The following FLRT2 variants were observed in gnomAD, a reference collection of about 807,000 sequenced individuals.
FLRT2 encodes the protein leucine-rich repeat transmembrane protein FLRT2.
FLRT2 carries 15 observed loss-of-function variants against 40.0 expected under a neutral mutation model. The ratio of observed to expected loss-of-function variants is 0.38; its 90% CI spans 0.25 to 0.58. The LOEUF (loss-of-function observed/expected upper bound fraction) is 0.58. Among genes scored for constraint, FLRT2 ranks in the 20% least tolerant of loss-of-function variants. The probability of loss-of-function intolerance (pLI) is 0.71; values close to 1 mark genes in which losing one functional copy is unlikely to be tolerated. For missense variants in FLRT2, 726 were observed against 840.0 expected (o/e 0.86, Z 1.68); for synonymous variants, 380 against 336.8 (o/e 1.13, Z -1.41).
Position 85,651,261 on chromosome 14 carries a change from T to TTGTGTGTGTGTGTG in FLRT2, c.*27780_*27793dup, listed in dbSNP as rs201674807. The TTGTGTGTGTGTGTG allele has an allele frequency of 9.5e-6, 1 of 105,140 alleles. No homozygotes were observed. Among genetic ancestry groups the TTGTGTGTGTGTGTG allele is most frequent in the African/African-American group, 3.0e-5 (1 of 33,174 alleles). The allele number at this position is 105,140 out of a possible 1,614,324, so 6.5% of individuals were successfully genotyped here. A position where few individuals can be genotyped will look rare whatever the true frequency, so the allele number is the denominator to read the frequency against. On this transcript the variant is annotated 3_prime_UTR_variant, in exon 2 of 2. Coordinates refer to ENST00000330753, the MANE Select transcript of FLRT2 (RefSeq NM_013231.6). ...CATAGCCTGGAAAGTATTCGTTTGTTTGTGTGTGTGTGTGTGTGTGTGTGT... is the reference window on the plus strand; with the variant it reads ...CATAGCCTGGAAAGTATTCGTTTGTTTGTGTGTGTGTGTGTGTGTGTGTGTGTGTGTGTGTGTGT...
chr14:85,532,302 C>T (rs562017966), intron 1 of FLRT2, among the ~76,000 whole-genome samples: 5 of 152,228 alleles, frequency 3.3e-5, no homozygotes, highest in African/African-American at 1.2e-4. Context: ...CGTTCTCCCT[C>T]TTCTGTTCAG....
intron 1 of FLRT2, among the ~76,000 whole-genome samples, chr14:85,550,250 T>C (rs1889532925): frequency 6.6e-6 from 1 of 152,158 alleles, no homozygotes; most frequent in Non-Finnish European, 1.5e-5. Context: ...CGTAATATAT[T>C]CTATGGGGAC....
chr14:85,609,533 G>A (rs551791126), intron 1 of FLRT2, among the ~76,000 whole-genome samples: 1 of 152,212 alleles, frequency 6.6e-6, no homozygotes, highest in Non-Finnish European at 1.5e-5. Flanking sequence ...CCGGGAATTT[G>A]TTTCATTTAG....
intron 1 of FLRT2, among the ~76,000 whole-genome samples, chr14:85,567,545 A>C (rs1269449041): frequency 1.3e-5 from 2 of 151,752 alleles, no homozygotes; most frequent in Non-Finnish European, 2.9e-5. Flanking sequence ...ACATAGTTAG[A>C]GTACCTGCTG....
chr14:85,554,255 T>C (rs543164930), intron 1 of FLRT2, among the ~76,000 whole-genome samples: 1 of 152,314 alleles, frequency 6.6e-6, no homozygotes, highest in South Asian at 2.1e-4. Context: ...TTAAATGGTC[T>C]TCCTAAGGTA....
intron 1 of FLRT2, among the ~76,000 whole-genome samples, chr14:85,561,743 A>G (rs1289421525): frequency 6.6e-6 from 1 of 152,270 alleles, no homozygotes; most frequent in African/African-American, 2.4e-5. Context: ...ATAGAATCGT[A>G]CCAGAAGCCT....
At chr14:85,581,664 C>T (rs916844772) in intron 1 of FLRT2, among the ~76,000 whole-genome samples, 5 of 152,102 alleles carry the variant, frequency 3.3e-5, no homozygotes, top group African/African-American at 1.2e-4. Flanking sequence ...TACATTCTTA[C>T]AAAGTTTGTT....
chr14:85,531,100 CCCTT>C (rs1888241504), intron 1 of FLRT2: 1 of 152,332 alleles, frequency 6.6e-6, no homozygotes, highest in South Asian at 2.1e-4. Context: ...AAAACCAAGT[CCCTT>C]CCAGCCCTGC....
chr14:85,599,396 A>G (rs1249719576), intron 1 of FLRT2, among the ~76,000 whole-genome samples: 1 of 152,132 alleles, frequency 6.6e-6, no homozygotes, highest in Non-Finnish European at 1.5e-5. Flanking sequence ...GCTACCAAAG[A>G]TACAACATAT....
rs1041977567 is a variant in FLRT2, at chr14:85,646,669, T to G, written c.*23172T>G. 1 of 152,112 alleles carries G rather than the reference T, an allele frequency of 6.6e-6. No homozygotes were observed. The highest frequency in any genetic ancestry group is 2.4e-5 in the African/African-American group (1 of 41,398). The allele number at this position is 152,112 out of a possible 1,614,324, so 9.4% of individuals were successfully genotyped here. A position where few individuals can be genotyped will look rare whatever the true frequency, so the allele number is the denominator to read the frequency against. ...TCTTGCTCTACCACCCAGGCTGGAG[T>G]GCAGTGGCACAATCTTGGCTCAATG... On this transcript the variant is annotated 3_prime_UTR_variant, in exon 2 of 2. Coordinates refer to ENST00000330753, the MANE Select transcript of FLRT2 (RefSeq NM_013231.6).
chr14:85,536,705 A>T (rs1298933647), intron 1 of FLRT2, among the ~76,000 whole-genome samples: 1 of 151,374 alleles, frequency 6.6e-6, no homozygotes, highest in African/African-American at 2.4e-5. Context: ...GAATCCCAAC[A>T]GTTCTGTAGT....
At chr14:85,613,041 C>T (rs1017723186) in intron 1 of FLRT2, among the ~76,000 whole-genome samples, 6 of 151,898 alleles carry the variant, frequency 4.0e-5, no homozygotes, top group Non-Finnish European at 8.8e-5. Flanking sequence ...TTTTATAGCT[C>T]TCAAAGATAT....
In FLRT2 at chr14:85,641,135, C is replaced by G. The variant is rs1079668; in HGVS notation, c.*17638C>G. 148,661 of 152,320 alleles carry G rather than the reference C, an allele frequency of 0.98. 72,548 individuals carry two copies. Among genetic ancestry groups the G allele is most frequent in the Admixed American group, 0.98 (15,062 of 15,298 alleles). The allele number at this position is 152,320 out of a possible 1,614,324, so 9.4% of individuals were successfully genotyped here. ...AAAGTGAAAACTAACAATAGAGAAG[C>G]CTTTTAAAAACCTAACAGCCTCCAA... On this transcript the variant is annotated 3_prime_UTR_variant, in exon 2 of 2. Coordinates refer to ENST00000330753, the MANE Select transcript of FLRT2 (RefSeq NM_013231.6).
chr14:85,551,203 T>C (rs1889598511), intron 1 of FLRT2, among the ~76,000 whole-genome samples: 1 of 152,192 alleles, frequency 6.6e-6, no homozygotes, highest in South Asian at 2.1e-4. Flanking sequence ...AATGAAGAAA[T>C]TTAAACTTCA....
At chr14:85,547,820 A>G (rs1441767343) in intron 1 of FLRT2, among the ~76,000 whole-genome samples, 1 of 152,194 alleles carries the variant, frequency 6.6e-6, no homozygotes, top group Non-Finnish European at 1.5e-5. Context: ...GGGAGACATA[A>G]GACATCAGTC....
chr14:85,581,843 G>A (rs1473706), intron 1 of FLRT2, among the ~76,000 whole-genome samples: 27,466 of 152,060 alleles, frequency 0.18, 2,944 homozygotes, highest in South Asian at 0.28. Context: ...GAATCATTTT[G>A]TAGTGTTATT....
chr14:85,546,986 C>T (rs895037528), intron 1 of FLRT2, among the ~76,000 whole-genome samples: 1 of 152,158 alleles, frequency 6.6e-6, no homozygotes, highest in African/African-American at 2.4e-5. Context: ...GTCTTAGGCA[C>T]TTAAAACAAA....
In FLRT2 at chr14:85,623,736, A is replaced by C. The variant is rs1177046138; in HGVS notation, c.*239A>C. On this transcript the variant is annotated 3_prime_UTR_variant, in exon 2 of 2. Coordinates refer to ENST00000330753, the MANE Select transcript of FLRT2 (RefSeq NM_013231.6). ...CTCTTTGCTTTTTAAATCTTAAAAA[A>C]AAAAAAGTTGCTGAAGTACTGTACA... The C allele has an allele frequency of 2.6e-6, 1 of 387,618 alleles. No homozygotes were observed. The highest frequency in any genetic ancestry group is 4.7e-6 in the Non-Finnish European group (1 of 214,148). 24.0% of individuals were successfully genotyped at this position (387,618 alleles called of 1,614,324 possible). A position where few individuals can be genotyped will look rare whatever the true frequency, so the allele number is the denominator to read the frequency against.
intron 1 of FLRT2, among the ~76,000 whole-genome samples, chr14:85,606,758 C>T (rs1177066866): frequency 2.0e-5 from 3 of 150,536 alleles, no homozygotes; most frequent in Non-Finnish European, 1.5e-5. Context: ...CTCCTGACCT[C>T]GTCATCTGCT....
Sources: allele counts gnomAD v4.1 joint callset (sites outside exome capture counted in the v4.1 genomes callset), GRCh38; gene constraint gnomAD v4.1.1; transcripts MANE v1.5; gene names NCBI Gene and HGNC (gene_info 2026-07-23, HGNC 2026-07-21).